TENM2: variants seen among roughly 807,000 people sequenced by gnomAD.
TENM2 encodes teneurin-2.
Under a neutral mutation model 245.2 loss-of-function variants are expected in TENM2, and 52 were observed. The observed-to-expected ratio is 0.21, with a 90% CI of 0.17 to 0.27. The LOEUF is 0.27. TENM2 is among the 10% of genes least tolerant of loss of function. TENM2 has a pLI of 1.00. For synonymous variants in TENM2, 1,363 were observed against 1,438.9 expected, an observed-to-expected ratio of 0.95 and a Z score of 1.19; for missense variants, 3,046 against 3,666.8, an observed-to-expected ratio of 0.83 and a Z score of 4.37.
At chr5:167,785,520 G>A (rs1240676300) in intron 2 of TENM2, among the ~76,000 whole-genome samples, 2 of 152,180 alleles carry the variant, frequency 1.3e-5, no homozygotes, top group Non-Finnish European at 2.9e-5. Flanking sequence ...ATTGATCGCT[G>A]AGAAACAGGA....
chr5:167,428,036 C>T (rs541085222), intron 2 of TENM2, among the ~76,000 whole-genome samples: 2 of 152,152 alleles, frequency 1.3e-5, no homozygotes, highest in Non-Finnish European at 2.9e-5. Context: ...TTTTTCCATT[C>T]AGATTCACTA....
rs574003397 is a variant in TENM2 at position 167,962,688 on chromosome 5, T to C, written c.947+9866T>C. Among the ~76,000 whole-genome samples the C allele has an allele frequency of 1.6e-4, 24 of 152,294 alleles. No individual in the cohort carries two copies. The South Asian group carries it at 4.6e-3, about 29-fold the overall frequency. Reference sequence around the variant, plus strand: ...GGTAGAAAGGGAAGCAAACACACTCTTCTTCAACATGGCAGCATCAACTGC... The same window carrying C: ...GGTAGAAAGGGAAGCAAACACACTCCTCTTCAACATGGCAGCATCAACTGC... On this transcript the variant is annotated intron_variant, in intron 4 of 28. Transcript: ENST00000518659.
intron 21 of TENM2, among the ~76,000 whole-genome samples, chr5:168,215,663 C>T (rs951491385): frequency 6.6e-6 from 1 of 152,090 alleles, no homozygotes; most frequent in African/African-American, 2.4e-5. Context: ...AGCGAGACTC[C>T]GTCTCAAAAA....
the TENM2 span, among the ~76,000 whole-genome samples, chr5:167,137,498 A>G: frequency 2.2e-4 from 34 of 152,292 alleles, no homozygotes; most frequent in South Asian, 2.9e-3. Context: ...GAAACAAAAC[A>G]TGGGGAGGCT....
At position 167,429,591 on chromosome 5, in the gene TENM2, T is replaced by C. The variant is rs189074968; in HGVS notation, c.502+54118T>C. ...ATCAGGAAGGTCAGGGAAATTCTCT[T>C]TCTCTCTCTCTCTCTCTTTTTTTTT... On this transcript the variant is annotated intron_variant, in intron 2 of 28. Transcript: ENST00000518659. Among the ~76,000 whole-genome samples the C allele has an allele frequency of 5.6e-4, 75 of 134,088 alleles. 1 individual carries two copies. Among genetic ancestry groups the C allele is most frequent in the Admixed American group, 1.2e-3 (15 of 12,658 alleles). 88.0% of individuals were successfully genotyped at this position (134,088 alleles called of 152,430 possible).
chr5:167,635,205 A>G (rs183088397), intron 2 of TENM2, among the ~76,000 whole-genome samples: 93 of 152,348 alleles, frequency 6.1e-4, no homozygotes, highest in Non-Finnish European at 1.1e-3. Context: ...ACAAATAAGT[A>G]TACAGATAAT....
intron 2 of TENM2, among the ~76,000 whole-genome samples, chr5:167,787,293 C>A (rs1764648200): frequency 6.6e-6 from 1 of 152,192 alleles, no homozygotes; most frequent in Non-Finnish European, 1.5e-5. Flanking sequence ...TACTTACATT[C>A]TTTTTGTGAA....
intron 2 of TENM2, among the ~76,000 whole-genome samples, chr5:167,528,518 G>A (rs958605863): frequency 6.6e-6 from 1 of 152,030 alleles, no homozygotes; most frequent in African/African-American, 2.4e-5. Flanking sequence ...AGTTTGTTGG[G>A]AGGCTTAAAT....
intron 13 of TENM2, among the ~76,000 whole-genome samples, chr5:168,181,769 C>T (rs1398813990): frequency 6.7e-6 from 1 of 150,004 alleles, no homozygotes; most frequent in Non-Finnish European, 1.5e-5. Flanking sequence ...CTCCACCTCC[C>T]GAGTTCAAGC....
intron 7 of TENM2, chr5:168,088,185 T>A (rs1161153687): frequency 6.6e-6 from 1 of 152,160 alleles, no homozygotes; most frequent in Non-Finnish European, 1.5e-5. Flanking sequence ...CTCATGGGGA[T>A]GATTACTTGG....
At chr5:167,419,785 A>G (rs1449104727) in intron 2 of TENM2, among the ~76,000 whole-genome samples, 2 of 152,216 alleles carry the variant, frequency 1.3e-5, no homozygotes, top group Non-Finnish European at 2.9e-5. Flanking sequence ...TACTTATGAT[A>G]TGAAGTTAAG....
At chr5:167,914,609 T>A (rs555013827) in intron 3 of TENM2, among the ~76,000 whole-genome samples, 248 of 152,298 alleles carry the variant, frequency 1.6e-3, no homozygotes, top group Non-Finnish European at 1.9e-3. Flanking sequence ...AATTGCAAAT[T>A]ACCACTGAAT....
chr5:167,051,850 G>A, the TENM2 span, among the ~76,000 whole-genome samples: 2 of 152,026 alleles, frequency 1.3e-5, no homozygotes, highest in African/African-American at 4.8e-5. Flanking sequence ...CCTCATATTT[G>A]CCCATGTCCC....
chr5:167,901,013 T>C (rs1775659921), intron 3 of TENM2, among the ~76,000 whole-genome samples: 1 of 146,826 alleles, frequency 6.8e-6, no homozygotes, highest in South Asian at 2.1e-4. Context: ...TTCCTTGAAT[T>C]TTTTTTCATT....
intron 2 of TENM2, among the ~76,000 whole-genome samples, chr5:167,742,866 G>GCTAA (rs1018939895): frequency 3.3e-5 from 5 of 152,122 alleles, no homozygotes; most frequent in African/African-American, 1.2e-4. Flanking sequence ...TACTCAGGAG[G>GCTAA]CTAAGGCAGA....
intron 1 of TENM2, among the ~76,000 whole-genome samples, chr5:167,321,134 A>AT (rs1756690690): frequency 1.3e-5 from 2 of 152,158 alleles, no homozygotes; most frequent in African/African-American, 4.8e-5. Context: ...AAAGATTTTT[A>AT]TTTTAAAAAA....
At chr5:167,338,884 A>G (rs1297865489) in intron 1 of TENM2, among the ~76,000 whole-genome samples, 2 of 152,152 alleles carry the variant, frequency 1.3e-5, no homozygotes, top group African/African-American at 2.4e-5. Context: ...GAGTTCTGGT[A>G]TCTTGTCCTC....
chr5:168,037,733 G>A lies in TENM2; in HGVS notation c.1187-9694G>A, dbSNP rs140752898. On this transcript the variant is annotated intron_variant, in intron 5 of 28. Coordinates refer to ENST00000518659, the Ensembl canonical transcript of TENM2. The stretch of plus-strand genomic sequence containing the variant: ...TGTCTTTCTTTAAGGAGATGGAAGA[G>A]GACAGTAGAGAGAGCACCAGAGAGT... 1.2e-3 allele frequency among the ~76,000 whole-genome samples: 178 copies of A among 152,256 alleles called. 1 individual carries two copies. The highest frequency in any genetic ancestry group is 2.2e-3 in the Non-Finnish European group (151 of 68,018).
chr5:167,678,963 T>G (rs1305601540), intron 2 of TENM2, among the ~76,000 whole-genome samples: 3 of 152,162 alleles, frequency 2.0e-5, no homozygotes, highest in East Asian at 1.9e-4. Flanking sequence ...GATCTCTTTA[T>G]TCTCGCCATG....
Sources: allele counts gnomAD v4.1 joint callset (sites outside exome capture counted in the v4.1 genomes callset), GRCh38; gene constraint gnomAD v4.1.1; transcripts MANE v1.5; gene names NCBI Gene and HGNC (gene_info 2026-07-23, HGNC 2026-07-21).